Variants in CNOT6L observed in about 807,000 individuals in gnomAD.
CNOT6L encodes the protein CCR4-NOT transcription complex subunit 6-like.
In CNOT6L, 7 loss-of-function variants were observed where a neutral mutation model predicts 64.0. That is an observed-to-expected ratio of 0.11 (90% confidence interval 0.06 to 0.21). The LOEUF is 0.21. Ranked by LOEUF, CNOT6L falls within the 10% of genes least tolerant of loss-of-function variation. The pLI is 1.00. For synonymous variants in CNOT6L, 193 were observed against 243.4 expected (o/e 0.79, Z 1.93); for missense variants, 245 against 669.0 (o/e 0.37, Z 6.99).
intron 1 of CNOT6L, among the ~76,000 whole-genome samples, chr4:77,790,677 T>C (rs1426321856): frequency 3.3e-5 from 5 of 152,120 alleles, no homozygotes; most frequent in Non-Finnish European, 7.4e-5. Context: ...TTGACTATAT[T>C]TGAAGATATG....
At position 77,720,394 on chromosome 4, in the gene CNOT6L, T is replaced by C. The variant is rs374825130; in HGVS notation, c.*37A>G. The C allele has an allele frequency of 1.2e-6, 2 of 1,609,560 alleles. No individual in the cohort carries two copies. The highest frequency in any genetic ancestry group is 1.3e-5 in the African/African-American group (1 of 74,834). On this transcript the variant is annotated 3_prime_UTR_variant, in exon 12 of 12. Coordinates refer to ENST00000504123, the MANE Select transcript of CNOT6L (RefSeq NM_144571.3). Reference sequence around the variant, plus strand: ...TTTGATTTACAACTGTACAGGTCCATAGCAACAGATCCCCGTCTTGGCGGG... The same window carrying C: ...TTTGATTTACAACTGTACAGGTCCACAGCAACAGATCCCCGTCTTGGCGGG...
intron 8 of CNOT6L, among the ~76,000 whole-genome samples, chr4:77,740,948 C>T (rs1051845653): frequency 1.3e-5 from 2 of 152,116 alleles, no homozygotes; most frequent in Non-Finnish European, 2.9e-5. Flanking sequence ...ACCTTATAGC[C>T]TAGGTGTATA....
At chr4:77,792,478 T>C (rs551757366) in intron 1 of CNOT6L, among the ~76,000 whole-genome samples, 23 of 151,940 alleles carry the variant, frequency 1.5e-4, no homozygotes, top group Non-Finnish European at 2.9e-4. Context: ...GTAATCCCAG[T>C]ACTTTGGGAG....
At chr4:77,744,071 T>C (rs1356986880) in intron 7 of CNOT6L, among the ~76,000 whole-genome samples, 2 of 152,204 alleles carry the variant, frequency 1.3e-5, no homozygotes, top group East Asian at 1.9e-4. Context: ...TTTAAACCTT[T>C]AAGCACTTAA....
intron 1 of CNOT6L, among the ~76,000 whole-genome samples, chr4:77,776,679 T>C (rs538239767): frequency 6.6e-6 from 1 of 152,348 alleles, no homozygotes; most frequent in South Asian, 2.1e-4. Context: ...TTCATTTAGC[T>C]GCACTGCTTT....
At chr4:77,801,716 T>C (rs1048958539) in intron 1 of CNOT6L, among the ~76,000 whole-genome samples, 8 of 138,998 alleles carry the variant, frequency 5.8e-5, no homozygotes, top group Admixed American at 3.7e-4. Flanking sequence ...TGAAACATTT[T>C]ATAAATATTT....
At chr4:77,800,910 C>A (rs966128284) in intron 1 of CNOT6L, among the ~76,000 whole-genome samples, 1 of 152,160 alleles carries the variant, frequency 6.6e-6, no homozygotes, top group African/African-American at 2.4e-5. Flanking sequence ...TCACACTGAT[C>A]CAAAACAACT....
intron 1 of CNOT6L, among the ~76,000 whole-genome samples, chr4:77,782,419 A>G (rs549179335): frequency 2.6e-5 from 4 of 152,246 alleles, no homozygotes; most frequent in African/African-American, 9.6e-5. Flanking sequence ...TGCAAGCTTG[A>G]AATCCTAGGA....
rs1184062936 is a variant in CNOT6L at position 77,717,761 on chromosome 4, AG to A, written c.*2669del. On this transcript the variant is annotated 3_prime_UTR_variant, in exon 12 of 12. Coordinates refer to ENST00000504123, the MANE Select transcript of CNOT6L (RefSeq NM_144571.3). ...CTTTTACAAAGGGAACAAAGGGTGA[AG>A]GGTATGTGAAATTTGGGCAGTGGGC... The A allele has an allele frequency of 1.3e-5, 2 of 152,586 alleles. No homozygotes were observed. The highest frequency in any genetic ancestry group is 4.8e-5 in the African/African-American group (2 of 41,454). The allele number at this position is 152,586 out of a possible 1,614,324, so 9.5% of individuals were successfully genotyped here.
Position 77,720,178 on chromosome 4 carries a change from T to C in CNOT6L, c.*253A>G. 1 of 360,566 alleles carries C rather than the reference T, an allele frequency of 2.8e-6. No homozygotes were observed. Among genetic ancestry groups the C allele is most frequent in the South Asian group, 6.0e-5 (1 of 16,578 alleles). 22.3% of individuals were successfully genotyped at this position (360,566 alleles called of 1,614,324 possible). ...ATCAATTTTGAATGCTGGCTGTTAATACAATATAAAGAAGGTCCAATTTAA... is the reference window on the plus strand; with the variant it reads ...ATCAATTTTGAATGCTGGCTGTTAACACAATATAAAGAAGGTCCAATTTAA... On this transcript the variant is annotated 3_prime_UTR_variant, in exon 12 of 12. Transcript: ENST00000504123.
At chr4:77,782,705 C>G (rs1729001675) in intron 1 of CNOT6L, among the ~76,000 whole-genome samples, 1 of 150,572 alleles carries the variant, frequency 6.6e-6, no homozygotes, top group African/African-American at 2.4e-5. Flanking sequence ...GCCTCAAACT[C>G]CTGGGCTCAA....
intron 1 of CNOT6L, among the ~76,000 whole-genome samples, chr4:77,793,381 CAT>C (rs1730394671): frequency 6.6e-6 from 1 of 152,266 alleles, no homozygotes; most frequent in African/African-American, 2.4e-5. Context: ...AAACATTATC[CAT>C]AGTGTTTTAC....
intron 1 of CNOT6L, among the ~76,000 whole-genome samples, chr4:77,790,911 C>T (rs868157907): frequency 7.3e-5 from 11 of 151,332 alleles, no homozygotes; most frequent in African/African-American, 2.4e-4. Context: ...CCACCCGCCT[C>T]GGCTTTCCAA....
Position 77,729,161 on chromosome 4 carries a change from A to G in CNOT6L, c.1025-80T>C, listed in dbSNP as rs1482783162. 1.2e-5 allele frequency: 12 copies of G among 967,522 alleles called. No individual in the cohort carries two copies. The East Asian group carries it at 1.7e-4, about 14-fold the overall frequency. 59.9% of individuals were successfully genotyped at this position (967,522 alleles called of 1,614,324 possible). ...TGTGGCATCCTCAGGTTTTCTCAAT[A>G]TGATCCACAGCTACTTCTTTACTCT... On this transcript the variant is annotated intron_variant, in intron 9 of 11. Transcript: ENST00000504123.
Position 77,715,693 on chromosome 4 carries a change from CTTTT to C in CNOT6L, c.*4734_*4737del, listed in dbSNP as rs1289013788. 2 of 152,398 alleles carry C rather than the reference CTTTT, an allele frequency of 1.3e-5. No homozygotes were observed. Among genetic ancestry groups the C allele is most frequent in the African/African-American group, 2.4e-5 (1 of 41,474 alleles). 9.4% of individuals were successfully genotyped at this position (152,398 alleles called of 1,614,324 possible). A position where few individuals can be genotyped will look rare whatever the true frequency, so the allele number is the denominator to read the frequency against. ...CTTACCACCTTCCTGGAAAGAACTG[CTTTT>C]TTTTCTTTCTTTCTGTGAATCTTGT... On this transcript the variant is annotated 3_prime_UTR_variant, in exon 12 of 12. Coordinates refer to ENST00000504123, the MANE Select transcript of CNOT6L (RefSeq NM_144571.3).
intron 9 of CNOT6L, among the ~76,000 whole-genome samples, chr4:77,730,052 A>G (rs1474663674): frequency 1.3e-5 from 2 of 152,104 alleles, no homozygotes; most frequent in Non-Finnish European, 2.9e-5. Flanking sequence ...CCGTAAACAT[A>G]CAAATTTAAT....
At chr4:77,729,948 TATAGAGAA>T (rs1185285661) in intron 9 of CNOT6L, among the ~76,000 whole-genome samples, 3 of 152,156 alleles carry the variant, frequency 2.0e-5, no homozygotes, top group Admixed American at 6.5e-5. Flanking sequence ...TTAGTAACTC[TATAGAGAA>T]ATCAACAAGA....
intron 6 of CNOT6L, 81 bp from the exon 7 acceptor site, chr4:77,744,956 G>A (rs1044524583): frequency 1.8e-6 from 2 of 1,118,406 alleles, no homozygotes; most frequent in Admixed American, 2.7e-5. Flanking sequence ...GTGTACACCT[G>A]CACAAGCACA....
Position 77,715,416 on chromosome 4 carries a change from T to C in CNOT6L, c.*5015A>G, listed in dbSNP as rs546980485. On this transcript the variant is annotated 3_prime_UTR_variant, in exon 12 of 12. Transcript: ENST00000504123. ...TGTCATAGGCTTTGAAAGTGAAAAC[T>C]ATTTTACTTAAAAAATATTCTATTA... The C allele has an allele frequency of 6.6e-6, 1 of 152,282 alleles. No homozygotes were observed. Among genetic ancestry groups the C allele is most frequent in the East Asian group, 1.9e-4 (1 of 5,180 alleles). 9.4% of individuals were successfully genotyped at this position (152,282 alleles called of 1,614,324 possible).
Sources: gnomAD v4.1 joint callset for allele counts (sites outside exome capture counted in the v4.1 genomes callset) on GRCh38, gnomAD v4.1.1 for gene constraint, MANE v1.5 for transcripts, NCBI Gene and HGNC (gene_info 2026-07-23, HGNC 2026-07-21) for gene names.